The following GFRAL variants were observed in gnomAD, a reference collection of about 807,000 sequenced individuals.
The protein encoded by GFRAL is GDNF family receptor alpha like.
In GFRAL, 36 loss-of-function variants were observed where a neutral mutation model predicts 45.4. The observed-to-expected ratio is 0.79, with a 90% CI of 0.61 to 1.05. The LOEUF is 1.05. Ranked by LOEUF, GFRAL falls within the 50% of genes least tolerant of loss-of-function variation. GFRAL has a pLI of 0.00. For synonymous variants in GFRAL, 166 were observed against 154.1 expected, an observed-to-expected ratio of 1.08 and a Z score of -0.57; for missense variants, 507 against 467.5, an observed-to-expected ratio of 1.08 and a Z score of -0.78.
intron 6 of GFRAL, among the ~76,000 whole-genome samples, chr6:55,391,657 G>A (rs1768755313): frequency 6.6e-6 from 1 of 152,122 alleles, no homozygotes; most frequent in African/African-American, 2.4e-5. Context: ...GGCTGAGACA[G>A]GAGGATTGCT....
intron 5 of GFRAL, among the ~76,000 whole-genome samples, chr6:55,355,800 G>C (rs1463832162): frequency 2.0e-5 from 3 of 151,774 alleles, no homozygotes; most frequent in Non-Finnish European, 4.4e-5. Context: ...TCTCATTACA[G>C]ATCATAGAGG....
At position 55,399,238 on chromosome 6, in the gene GFRAL, C is replaced by CA. The variant is rs527905870; in HGVS notation, c.1015dup (p.Ile339AsnfsTer36). On this transcript the variant is annotated frameshift_variant, in exon 7 of 9. Transcript: ENST00000340465. LOFTEE classifies it high-confidence loss of function. ...CATTGTATACAAGAAAACATGCAAA[C>CA]AAAATCACTTTAACTGGATTTCATT... 1.1e-3 allele frequency: 1,776 copies of CA among 1,607,094 alleles called. 4 individuals are homozygous for CA. The highest frequency in any genetic ancestry group is 2.7e-3 in the Middle Eastern group (16 of 5,874).
chr6:55,340,833 C>T (rs1273596698), intron 3 of GFRAL, among the ~76,000 whole-genome samples: 3 of 152,204 alleles, frequency 2.0e-5, no homozygotes, highest in Non-Finnish European at 4.4e-5. Context: ...CCTAATACTG[C>T]ACTTTTCCAG....
intron 2 of GFRAL, 62 bp from the exon 3 acceptor site, chr6:55,333,724 G>A: frequency 1.9e-6 from 2 of 1,064,054 alleles, no homozygotes; most frequent in Non-Finnish European, 1.3e-6. Flanking sequence ...AGTACTTTGG[G>A]GAGGAAGAAT....
At chr6:55,357,562 A>G (rs958458353) in intron 5 of GFRAL, among the ~76,000 whole-genome samples, 1 of 151,508 alleles carries the variant, frequency 6.6e-6, no homozygotes, top group African/African-American at 2.4e-5. Context: ...TTCTTTATAG[A>G]TGATGTATGC....
chr6:55,332,340 C>T (rs1251233638), intron 2 of GFRAL, among the ~76,000 whole-genome samples: 2 of 151,996 alleles, frequency 1.3e-5, no homozygotes, highest in East Asian at 1.9e-4. Flanking sequence ...TTTAACTTGG[C>T]CTACCTTCCA....
chr6:55,383,843 A>G (rs1768645751), intron 6 of GFRAL, among the ~76,000 whole-genome samples: 1 of 151,992 alleles, frequency 6.6e-6, no homozygotes, highest in Non-Finnish European at 1.5e-5. Context: ...TTGTCCAGGT[A>G]CCACACTCCA....
At position 55,339,694 on chromosome 6, in the gene GFRAL, T is replaced by G. The variant is rs144267098; in HGVS notation, c.316+5750T>G. 7.2e-5 allele frequency among the ~76,000 whole-genome samples: 11 copies of G among 152,324 alleles called. No homozygotes were observed. In the East Asian group the frequency reaches 1.9e-3, roughly 27 times the overall value. ...GATAGGGACTGATAATGGCATTAAT[T>G]TGCTACTTAGTAGATATTACTAGTT... On this transcript the variant is annotated intron_variant, in intron 3 of 8. Coordinates refer to ENST00000340465, the MANE Select transcript of GFRAL (RefSeq NM_207410.2).
At chr6:55,394,934 G>T (rs1192130611) in intron 6 of GFRAL, among the ~76,000 whole-genome samples, 1 of 151,914 alleles carries the variant, frequency 6.6e-6, no homozygotes, top group Non-Finnish European at 1.5e-5. Context: ...AAAGAAAAAT[G>T]AGAAAAGGAG....
At chr6:55,374,062 C>T (rs1038880696) in intron 6 of GFRAL, among the ~76,000 whole-genome samples, 2 of 152,126 alleles carry the variant, frequency 1.3e-5, no homozygotes, top group Non-Finnish European at 2.9e-5. Flanking sequence ...ATCCATTTTC[C>T]TGAAAAGGAT....
chr6:55,371,902 C>T (rs1177712100), intron 6 of GFRAL, among the ~76,000 whole-genome samples: 1 of 152,156 alleles, frequency 6.6e-6, no homozygotes, highest in Non-Finnish European at 1.5e-5. Context: ...TTTCCCCTTT[C>T]ACAGACAAAT....
chr6:55,334,197 T>C (rs1767865300), intron 3 of GFRAL, among the ~76,000 whole-genome samples: 2 of 152,192 alleles, frequency 1.3e-5, no homozygotes, highest in South Asian at 4.1e-4. Context: ...CACGACATAC[T>C]TCTTTCATTA....
intron 6 of GFRAL, among the ~76,000 whole-genome samples, chr6:55,391,912 C>T (rs1200070403): frequency 6.6e-6 from 1 of 152,158 alleles, no homozygotes; most frequent in East Asian, 1.9e-4. Context: ...ATATCCTACA[C>T]TTCTCTCTTC....
intron 5 of GFRAL, 112 bp downstream of exon 5, chr6:55,351,695 A>G (rs1163875490): frequency 7.4e-6 from 5 of 674,026 alleles, no homozygotes; most frequent in African/African-American, 3.6e-5. Context: ...ATCATCCAAC[A>G]TAGTGTAAAT....
At chr6:55,376,807 G>T (rs996732294) in intron 6 of GFRAL, among the ~76,000 whole-genome samples, 1 of 151,512 alleles carries the variant, frequency 6.6e-6, no homozygotes, top group African/African-American at 2.4e-5. Context: ...TTGATTTTTT[G>T]AAGGATTTTC....
chr6:55,347,209 T>A (rs116107721), intron 3 of GFRAL, among the ~76,000 whole-genome samples: 1 of 152,052 alleles, frequency 6.6e-6, no homozygotes, highest in Non-Finnish European at 1.5e-5. Context: ...AATAAAAAGA[T>A]GAAAGTTCTG....
chr6:55,327,996 C>T (rs1263187382), intron 1 of GFRAL, among the ~76,000 whole-genome samples: 1 of 151,914 alleles, frequency 6.6e-6, no homozygotes, highest in East Asian at 1.9e-4. Context: ...TGAAATTAAA[C>T]AAAAATAAGA....
At chr6:55,341,060 G>A (rs921263789) in intron 3 of GFRAL, among the ~76,000 whole-genome samples, 42 of 152,226 alleles carry the variant, frequency 2.8e-4, no homozygotes, top group Non-Finnish European at 4.3e-4. Context: ...CGCAGCTCAA[G>A]GAGGCCTGCT....
chr6:55,368,868 G>T (rs1418409584), intron 6 of GFRAL, among the ~76,000 whole-genome samples: 1 of 152,132 alleles, frequency 6.6e-6, no homozygotes, highest in Non-Finnish European at 1.5e-5. Context: ...GGACATTTAA[G>T]TCTGCAGAGG....
Sources: allele counts gnomAD v4.1 joint callset (sites outside exome capture counted in the v4.1 genomes callset), GRCh38; gene constraint gnomAD v4.1.1; transcripts MANE v1.5; gene names NCBI Gene and HGNC (gene_info 2026-07-23, HGNC 2026-07-21).